Variants in LRRC4C observed in about 807,000 individuals in gnomAD.
LRRC4C encodes leucine-rich repeat-containing protein 4C.
In LRRC4C, 5 loss-of-function variants were observed where a neutral mutation model predicts 33.6. The observed-to-expected ratio is 0.15, with a 90% CI of 0.08 to 0.31. The LOEUF is 0.31. LRRC4C is among the 10% of genes least tolerant of loss of function. LRRC4C has a pLI of 1.00. For missense variants in LRRC4C, 560 were observed against 796.7 expected (o/e 0.70, Z 3.58); for synonymous variants, 329 against 302.0 (o/e 1.09, Z -0.93).
intron 3 of LRRC4C, among the ~76,000 whole-genome samples, chr11:40,507,794 C>A (rs538788241): frequency 1.5e-4 from 22 of 147,300 alleles, no homozygotes; most frequent in Non-Finnish European, 2.5e-4. Context: ...GGCTGGAGTG[C>A]AGTGGCACCA....
chr11:41,147,457 T>G (rs753226327), intron 1 of LRRC4C, among the ~76,000 whole-genome samples: 1 of 152,220 alleles, frequency 6.6e-6, no homozygotes, highest in African/African-American at 2.4e-5. Flanking sequence ...AAATTATGCT[T>G]GGTACATCAA....
intron 2 of LRRC4C, among the ~76,000 whole-genome samples, chr11:40,679,463 C>T (rs189418735): frequency 5.1e-4 from 77 of 152,252 alleles, no homozygotes; most frequent in Middle Eastern, 3.4e-3. Flanking sequence ...TTTGCAGCAG[C>T]CCCTCCCCAT....
In LRRC4C at chr11:41,123,282, T is replaced by G. The variant is rs1342668824; in HGVS notation, c.-495-189559A>C. On this transcript the variant is annotated intron_variant, in intron 1 of 6. Coordinates refer to ENST00000528697, the MANE Select transcript of LRRC4C (RefSeq NM_001258419.2). Reference sequence around the variant, plus strand: ...TTTTGTTTTTTTTTTTTTTTTTTTTTTTTTTTTTGAGACGGAGTCTCGCTC... The same window carrying G: ...TTTTGTTTTTTTTTTTTTTTTTTTTGTTTTTTTTGAGACGGAGTCTCGCTC... Among the ~76,000 whole-genome samples, 174 of 107,108 alleles carry G rather than the reference T, an allele frequency of 1.6e-3. 5 individuals carry two copies. Among genetic ancestry groups the G allele is most frequent in the African/African-American group, 5.7e-3 (162 of 28,296 alleles). The allele number at this position is 107,108 out of a possible 152,430, so 70.3% of individuals were successfully genotyped here.
At chr11:40,427,156 T>C (rs1243707966) in intron 3 of LRRC4C, among the ~76,000 whole-genome samples, 1 of 152,106 alleles carries the variant, frequency 6.6e-6, no homozygotes, top group East Asian at 1.9e-4. Context: ...GGGCAGAGAA[T>C]GGTCCAAAAT....
intron 3 of LRRC4C, among the ~76,000 whole-genome samples, chr11:40,524,236 T>C (rs1385517702): frequency 2.0e-5 from 3 of 152,176 alleles, no homozygotes; most frequent in African/African-American, 7.2e-5. Context: ...TTTGAGGGGA[T>C]TAAGCAAATC....
intron 1 of LRRC4C, among the ~76,000 whole-genome samples, chr11:41,134,981 A>G (rs752019067): frequency 2.5e-4 from 38 of 152,154 alleles, no homozygotes; most frequent in Admixed American, 9.8e-4. Flanking sequence ...GGATAAAACT[A>G]TCTCATTATG....
intron 1 of LRRC4C, among the ~76,000 whole-genome samples, chr11:41,256,235 C>T (rs1470675720): frequency 1.3e-5 from 2 of 151,886 alleles, no homozygotes; most frequent in African/African-American, 4.8e-5. Flanking sequence ...GATAACATAA[C>T]CAAGTATTGT....
chr11:41,137,311 C>T (rs189002417), intron 1 of LRRC4C, among the ~76,000 whole-genome samples: 80 of 152,186 alleles, frequency 5.3e-4, no homozygotes, highest in Non-Finnish European at 1.1e-3. Context: ...TAGACCATCA[C>T]AGATCAAATC....
intron 2 of LRRC4C, among the ~76,000 whole-genome samples, chr11:40,680,785 C>T (rs1944647895): frequency 6.6e-6 from 1 of 152,160 alleles, no homozygotes; most frequent in Admixed American, 6.5e-5. Flanking sequence ...TGGATTTATA[C>T]ACAGGTGTAA....
At chr11:40,165,052 A>G (rs534825053) in intron 5 of LRRC4C, among the ~76,000 whole-genome samples, 16 of 152,360 alleles carry the variant, frequency 1.1e-4, no homozygotes, top group Non-Finnish European at 2.1e-4. Flanking sequence ...TTGAAGAACC[A>G]TGGGTCATAT....
intron 3 of LRRC4C, among the ~76,000 whole-genome samples, chr11:40,580,239 T>G (rs1404408209): frequency 6.6e-6 from 1 of 152,046 alleles, no homozygotes; most frequent in Non-Finnish European, 1.5e-5. Flanking sequence ...CTCAGGAAAC[T>G]TACAATCATG....
chr11:41,369,680 TTGA>T (rs1170994538), intron 1 of LRRC4C, among the ~76,000 whole-genome samples: 1 of 152,096 alleles, frequency 6.6e-6, no homozygotes, highest in African/African-American at 2.4e-5. Flanking sequence ...AAGAGACTGG[TTGA>T]TGATGAGGTT....
intron 4 of LRRC4C, among the ~76,000 whole-genome samples, chr11:40,303,937 A>G (rs1207055564): frequency 6.6e-6 from 1 of 152,250 alleles, no homozygotes; most frequent in African/African-American, 2.4e-5. Context: ...GTCTTAAACC[A>G]TAATTGCAGG....
chr11:40,851,992 T>A (rs984732532), intron 2 of LRRC4C, among the ~76,000 whole-genome samples: 6 of 152,136 alleles, frequency 3.9e-5, no homozygotes, highest in African/African-American at 1.4e-4. Flanking sequence ...TCGTACTTTT[T>A]AAAAAAATTT....
intron 2 of LRRC4C, among the ~76,000 whole-genome samples, chr11:40,831,174 G>T (rs1490932655): frequency 6.6e-6 from 1 of 152,136 alleles, no homozygotes; most frequent in South Asian, 2.1e-4. Context: ...TGGGTTCTAA[G>T]AAATTATTCC....
intron 3 of LRRC4C, among the ~76,000 whole-genome samples, chr11:40,582,856 A>G (rs1425589527): frequency 1.3e-5 from 2 of 152,168 alleles, no homozygotes; most frequent in Non-Finnish European, 2.9e-5. Flanking sequence ...ATAATTGTAC[A>G]TATTTATGGA....
At chr11:40,557,156 A>C (rs989016846) in intron 3 of LRRC4C, among the ~76,000 whole-genome samples, 2 of 152,090 alleles carry the variant, frequency 1.3e-5, no homozygotes, top group Non-Finnish European at 2.9e-5. Context: ...TAACAAAAAT[A>C]GTGCAATATA....
At chr11:40,724,437 A>G (rs893427684) in intron 2 of LRRC4C, among the ~76,000 whole-genome samples, 2 of 152,210 alleles carry the variant, frequency 1.3e-5, no homozygotes, top group Admixed American at 1.3e-4. Flanking sequence ...AAAAATAGAA[A>G]TAAATACCAA....
chr11:40,150,473 GA>G (rs1462225767), intron 5 of LRRC4C, among the ~76,000 whole-genome samples: 2 of 152,216 alleles, frequency 1.3e-5, no homozygotes, highest in African/African-American at 4.8e-5. Flanking sequence ...TTCTTTAAAA[GA>G]GACATGGTCT....
Sources: allele counts gnomAD v4.1 joint callset (sites outside exome capture counted in the v4.1 genomes callset), GRCh38; gene constraint gnomAD v4.1.1; transcripts MANE v1.5; gene names NCBI Gene and HGNC (gene_info 2026-07-23, HGNC 2026-07-21).